The following NAA11 variants were observed in gnomAD, a reference collection of about 807,000 sequenced individuals.
NAA11 encodes N-alpha-acetyltransferase 11, NatA catalytic subunit, also known as N-alpha-acetyltransferase 11.
A neutral mutation model predicts 16.1 loss-of-function variants in NAA11; 15 were observed. That is an observed-to-expected ratio of 0.93 (90% CI 0.62 to 1.44). The LOEUF is 1.44. Among genes scored for constraint, NAA11 ranks in the 40% most tolerant of loss-of-function variants. NAA11 has a pLI of 0.00. For synonymous variants in NAA11, 122 were observed against 112.4 expected (o/e 1.09, Z -0.54); for missense variants, 298 against 291.3 (o/e 1.02, Z -0.17).
At chr4:79,158,395 A>T in the NAA11 span, among the ~76,000 whole-genome samples, 1 of 152,064 alleles carries the variant, frequency 6.6e-6, no homozygotes, top group Non-Finnish European at 1.5e-5. Flanking sequence ...TTAACAATAT[A>T]CCTAACTGAG....
intron 2 of NAA11, among the ~76,000 whole-genome samples, chr4:79,266,198 A>G (rs549169472): frequency 6.6e-6 from 1 of 152,304 alleles, no homozygotes; most frequent in South Asian, 2.1e-4. Context: ...CTGCACATCC[A>G]AAGTCATTTA....
chr4:79,285,139 T>C (rs1329476450), intron 2 of NAA11, among the ~76,000 whole-genome samples: 12 of 152,138 alleles, frequency 7.9e-5, no homozygotes, highest in Admixed American at 7.9e-4. Context: ...GTGAAACAAC[T>C]ACTGCTTTCA....
chr4:79,213,985 CTT>C, the NAA11 span, among the ~76,000 whole-genome samples: 3 of 152,116 alleles, frequency 2.0e-5, no homozygotes, highest in African/African-American at 7.2e-5. Flanking sequence ...CTATCTGACT[CTT>C]ATATTTTCAG....
chr4:79,276,111 A>T (rs1163577986), intron 2 of NAA11, among the ~76,000 whole-genome samples: 2 of 152,144 alleles, frequency 1.3e-5, no homozygotes, highest in African/African-American at 4.8e-5. Flanking sequence ...TCAGCCATAG[A>T]AACTGAGGCT....
At chr4:79,211,269 C>G in the NAA11 span, among the ~76,000 whole-genome samples, 1 of 152,068 alleles carries the variant, frequency 6.6e-6, no homozygotes, top group South Asian at 2.1e-4. Context: ...TAAAGGCAGG[C>G]AGCAGATGAG....
chr4:79,325,099 AGGAT>A, intron 1 of NAA11, 73 bp downstream of exon 1: 16 of 1,292,934 alleles, frequency 1.2e-5, no homozygotes, highest in Non-Finnish European at 1.6e-5. Flanking sequence ...GGGGTAAGAC[AGGAT>A]GGAATTGGGC....
chr4:79,309,714 C>CTTTTTTTTT (rs71662804), intron 1 of NAA11, among the ~76,000 whole-genome samples: 25 of 81,428 alleles, frequency 3.1e-4, no homozygotes, highest in Non-Finnish European at 4.2e-4. Flanking sequence ...TTTTTTTTTT[C>CTTTTTTTTT]TTTTTTTTTT....
At chr4:79,273,900 T>G (rs538159268) in intron 2 of NAA11, among the ~76,000 whole-genome samples, 2 of 152,158 alleles carry the variant, frequency 1.3e-5, no homozygotes, top group African/African-American at 4.8e-5. Flanking sequence ...CATAAAACAT[T>G]TACTGCAAAG....
chr4:79,303,076 TTATATATATATATATATATA>T (rs59261096), intron 1 of NAA11, among the ~76,000 whole-genome samples: 3,338 of 67,542 alleles, frequency 0.049, 295 homozygotes, highest in African/African-American at 0.18. Flanking sequence ...TTGAGGCCTT[TTATATATATATATATATATA>T]TATATATATA....
intron 2 of NAA11, among the ~76,000 whole-genome samples, chr4:79,240,525 T>G (rs1721668743): frequency 6.6e-6 from 1 of 152,098 alleles, no homozygotes; most frequent in African/African-American, 2.4e-5. Flanking sequence ...CTCACAGAAT[T>G]TTTGCTTCCT....
At chr4:79,313,673 C>T (rs376547351), downstream of NAA11, among the ~76,000 whole-genome samples, 16 of 152,250 alleles carry the variant, frequency 1.1e-4, no homozygotes, top group African/African-American at 3.6e-4. Flanking sequence ...TCAAGTGCAC[C>T]TCAAGGAAAT....
chr4:79,218,770 C>G, the NAA11 span, among the ~76,000 whole-genome samples: 1 of 152,082 alleles, frequency 6.6e-6, no homozygotes, highest in Non-Finnish European at 1.5e-5. Context: ...TTTCAAATTA[C>G]TTTGGAAAGA....
chr4:79,180,035 G>T, the NAA11 span, among the ~76,000 whole-genome samples: 1 of 152,098 alleles, frequency 6.6e-6, no homozygotes, highest in Non-Finnish European at 1.5e-5. Context: ...GGGGGAAACT[G>T]CCCCCATGAT....
chr4:79,170,478 T>C, the NAA11 span, among the ~76,000 whole-genome samples: 1 of 152,162 alleles, frequency 6.6e-6, no homozygotes, highest in Non-Finnish European at 1.5e-5. Context: ...ACTTGAAGTC[T>C]ATAAAACAGT....
chr4:79,193,833 C>A, the NAA11 span, among the ~76,000 whole-genome samples: 1 of 152,084 alleles, frequency 6.6e-6, no homozygotes, highest in African/African-American at 2.4e-5. Flanking sequence ...GCCATTTTCA[C>A]GATATTGATT....
At chr4:79,284,141 G>A (rs1002714830) in intron 2 of NAA11, among the ~76,000 whole-genome samples, 2 of 152,170 alleles carry the variant, frequency 1.3e-5, no homozygotes, top group Non-Finnish European at 2.9e-5. Context: ...ACAGCCCTAA[G>A]GCAGCAAACT....
chr4:79,199,233 C>G, the NAA11 span, among the ~76,000 whole-genome samples: 3 of 151,900 alleles, frequency 2.0e-5, no homozygotes, highest in Non-Finnish European at 4.4e-5. Flanking sequence ...TCTGAAAAAC[C>G]TGGCTGTTTT....
chr4:79,159,217 C>T, the NAA11 span, among the ~76,000 whole-genome samples: 1 of 152,232 alleles, frequency 6.6e-6, no homozygotes, highest in East Asian at 1.9e-4. Context: ...GCAGAATCTA[C>T]AAGGAACTCA....
chr4:79,310,539 T>C (rs1004396007), intron 1 of NAA11, among the ~76,000 whole-genome samples: 1 of 152,140 alleles, frequency 6.6e-6, no homozygotes, highest in African/African-American at 2.4e-5. Context: ...ACAACAATGC[T>C]CGTTTACTTA....
Sources: allele counts gnomAD v4.1 joint callset (sites outside exome capture counted in the v4.1 genomes callset), GRCh38; gene constraint gnomAD v4.1.1; transcripts MANE v1.5; gene names NCBI Gene and HGNC (gene_info 2026-07-23, HGNC 2026-07-21).